Variants in SPATS2 observed in about 807,000 individuals in gnomAD.
SPATS2 encodes spermatogenesis-associated serine-rich protein 2.
Under a neutral mutation model 63.7 loss-of-function variants are expected in SPATS2, and 38 were observed. The ratio of observed to expected loss-of-function variants is 0.60; its 90% CI spans 0.46 to 0.78. The LOEUF (loss-of-function observed/expected upper bound fraction) is 0.78. Among genes scored for constraint, SPATS2 ranks in the 30% least tolerant of loss-of-function variants. The probability of loss-of-function intolerance (pLI) is 0.00; values close to 1 mark genes in which losing one functional copy is unlikely to be tolerated. For missense variants in SPATS2, 588 were observed against 666.2 expected (o/e 0.88, Z 1.29); for synonymous variants, 207 against 232.9 (o/e 0.89, Z 1.01).
chr12:49,421,652 G>A (rs540281534), intron 2 of SPATS2, among the ~76,000 whole-genome samples: 1 of 152,240 alleles, frequency 6.6e-6, no homozygotes, highest in Admixed American at 6.5e-5. Context: ...AAACAGATCT[G>A]TGTTATCATT....
intron 1 of SPATS2, 87 bp downstream of exon 1, chr12:49,367,674 G>A (rs1296254540): frequency 5.5e-6 from 2 of 361,708 alleles, no homozygotes; most frequent in East Asian, 8.3e-5. Flanking sequence ...GGAAAAAGAG[G>A]GAGGGGGTAG....
intron 1 of SPATS2, among the ~76,000 whole-genome samples, chr12:49,369,094 G>A (rs549705724): frequency 4.4e-4 from 61 of 140,188 alleles, no homozygotes; most frequent in Non-Finnish European, 7.5e-4. Context: ...AGAGTGCAGT[G>A]GCGTGATCTC....
At position 49,424,198 on chromosome 12, in the gene SPATS2, G is replaced by A. The variant is rs982086907; in HGVS notation, c.-243-36572G>A. Among the ~76,000 whole-genome samples the A allele has an allele frequency of 2.0e-5, 3 of 151,938 alleles. No homozygotes were observed. In the South Asian group the frequency reaches 6.2e-4, roughly 32 times the overall value. On this transcript the variant is annotated intron_variant, in intron 2 of 13. Coordinates refer to ENST00000552918, the MANE Select transcript of SPATS2 (RefSeq NM_023071.4). ...AGCCTGGGCAACAGAACGGGACTCTGTCTCAAAACAAACAAACAAACAAAC... is the reference window on the plus strand; with the variant it reads ...AGCCTGGGCAACAGAACGGGACTCTATCTCAAAACAAACAAACAAACAAAC...
At chr12:49,518,980 C>A in intron 10 of SPATS2, 93 bp from the exon 11 acceptor site, 2 of 957,578 alleles carry the variant, frequency 2.1e-6, no homozygotes. Context: ...AAGCCTTTGG[C>A]TGACCAAATA....
chr12:49,514,639 G>A (rs561945400), intron 10 of SPATS2, 26 bp downstream of exon 10: 2 of 1,607,446 alleles, frequency 1.2e-6, no homozygotes, highest in South Asian at 2.2e-5. Flanking sequence ...TTTAATTAAA[G>A]CTATTACCTT....
chr12:49,488,818 C>T (rs1359173060), intron 4 of SPATS2, among the ~76,000 whole-genome samples: 1 of 151,900 alleles, frequency 6.6e-6, no homozygotes, highest in Non-Finnish European at 1.5e-5. Context: ...ATGCACATAT[C>T]ATAAAAATGC....
At chr12:49,494,667 A>G in intron 6 of SPATS2, 74 bp from the exon 7 acceptor site, 3 of 1,403,216 alleles carry the variant, frequency 2.1e-6, no homozygotes, top group Non-Finnish European at 2.8e-6. Context: ...TTGGGTAGCT[A>G]GAGTTACCTC....
At chr12:49,487,022 A>T (rs1309295197) in intron 4 of SPATS2, among the ~76,000 whole-genome samples, 1 of 152,170 alleles carries the variant, frequency 6.6e-6, no homozygotes, top group Non-Finnish European at 1.5e-5. Context: ...TAAAAACATT[A>T]TTCACTGATT....
intron 2 of SPATS2, among the ~76,000 whole-genome samples, chr12:49,440,657 C>A (rs1448943803): frequency 1.3e-5 from 2 of 151,928 alleles, no homozygotes; most frequent in Non-Finnish European, 2.9e-5. Context: ...TTAGTAGAGA[C>A]GGGGTTTCAC....
chr12:49,436,892 G>A (rs1246384575), intron 2 of SPATS2, among the ~76,000 whole-genome samples: 43 of 140,238 alleles, frequency 3.1e-4, no homozygotes, highest in Admixed American at 1.5e-3. Flanking sequence ...CGGACGGGGC[G>A]GCTGGCCGGG....
At chr12:49,502,416 G>C (rs1292028542) in intron 9 of SPATS2, among the ~76,000 whole-genome samples, 1 of 152,102 alleles carries the variant, frequency 6.6e-6, no homozygotes, top group Admixed American at 6.6e-5. Context: ...TTACTTTTCA[G>C]GTTTTATGGC....
chr12:49,367,742 C>T (rs1012760912), intron 1 of SPATS2, among the ~76,000 whole-genome samples, 155 bp downstream of exon 1: 3 of 148,112 alleles, frequency 2.0e-5, no homozygotes, highest in Non-Finnish European at 4.4e-5. Context: ...CCGAAGTGCC[C>T]AGAGGGTGGA....
chr12:49,436,340 G>A (rs1470063784), intron 2 of SPATS2, among the ~76,000 whole-genome samples: 2 of 145,912 alleles, frequency 1.4e-5, no homozygotes, highest in East Asian at 2.1e-4. Context: ...TTCGCAGTAG[G>A]GGCGGCCGGG....
intron 3 of SPATS2, 44 bp downstream of exon 3, chr12:49,461,081 A>G: frequency 3.8e-6 from 6 of 1,598,410 alleles, no homozygotes; most frequent in Non-Finnish European, 4.3e-6. Context: ...CATAGTTATA[A>G]TGATCCCCAT....
intron 3 of SPATS2, among the ~76,000 whole-genome samples, chr12:49,461,908 C>T (rs2137682655): frequency 6.6e-6 from 1 of 152,242 alleles, no homozygotes; most frequent in African/African-American, 2.4e-5. Flanking sequence ...CTGAACTGTT[C>T]TGTGGAATGA....
intron 2 of SPATS2, among the ~76,000 whole-genome samples, chr12:49,446,151 G>A (rs745803673): frequency 6.6e-6 from 1 of 152,078 alleles, no homozygotes; most frequent in Non-Finnish European, 1.5e-5. Context: ...TGATCTGCCC[G>A]CCTTGACCTC....
intron 10 of SPATS2, among the ~76,000 whole-genome samples, chr12:49,516,730 AAAAG>A (rs1177050360): frequency 6.6e-6 from 1 of 151,954 alleles, no homozygotes. Flanking sequence ...AAAAGAAAAG[AAAAG>A]AAAATTTCAG....
chr12:49,421,416 CAAAAAAAAAAA>C (rs71080195), intron 2 of SPATS2, among the ~76,000 whole-genome samples: 1 of 52,108 alleles, frequency 1.9e-5, no homozygotes, highest in Non-Finnish European at 3.2e-5. Context: ...GACTTTGTCT[CAAAAAAAAAAA>C]AAAAAAAAAA....
intron 9 of SPATS2, among the ~76,000 whole-genome samples, chr12:49,510,794 C>CT (rs1946739793): frequency 1.3e-5 from 2 of 152,140 alleles, no homozygotes; most frequent in African/African-American, 4.8e-5. Context: ...GCTAGAATCT[C>CT]TAACTGCATG....
Sources: gnomAD v4.1 joint callset for allele counts (sites outside exome capture counted in the v4.1 genomes callset) on GRCh38, gnomAD v4.1.1 for gene constraint, MANE v1.5 for transcripts, NCBI Gene and HGNC (gene_info 2026-07-23, HGNC 2026-07-21) for gene names.